The following PKHD1 variants were observed in gnomAD, a reference collection of about 807,000 sequenced individuals.
PKHD1 encodes PKHD1 ciliary IPT domain containing fibrocystin/polyductin, also known as fibrocystin.
In PKHD1, 291 loss-of-function variants were observed where a neutral mutation model predicts 412.0. The ratio of observed to expected loss-of-function variants is 0.71; its 90% CI spans 0.64 to 0.78. The LOEUF (loss-of-function observed/expected upper bound fraction) is 0.78. Ranked by LOEUF, PKHD1 falls within the 30% of genes least tolerant of loss-of-function variation. PKHD1 has a pLI of 0.00. For missense variants in PKHD1, 4,825 were observed against 4,950.7 expected (o/e 0.97, Z 0.76); for synonymous variants, 1,777 against 1,821.5 (o/e 0.98, Z 0.62).
intron 52 of PKHD1, among the ~76,000 whole-genome samples, chr6:51,806,548 A>G (rs1420499752): frequency 6.6e-6 from 1 of 152,284 alleles, no homozygotes; most frequent in East Asian, 1.9e-4. Flanking sequence ...CAAGTGGACA[A>G]TTACACATAT....
At position 51,918,860 on chromosome 6, in the gene PKHD1, GGTGTGAGATGGTATATTGACCA is replaced by G. The variant is rs564719948; in HGVS notation, c.6122-6306_6122-6285del. ...CTTTTTAATGATCACCATTCTCACT[GGTGTGAGATGGTATATTGACCA>G]GTAATGATGAGCTTTTATTCATATG... On this transcript the variant is annotated intron_variant, in intron 37 of 66. Coordinates refer to ENST00000371117, the MANE Select transcript of PKHD1 (RefSeq NM_138694.4). Among the ~76,000 whole-genome samples, 10 of 152,260 alleles carry G rather than the reference GGTGTGAGATGGTATATTGACCA, an allele frequency of 6.6e-5. No individual in the cohort carries two copies. In the South Asian group the frequency reaches 2.1e-3, roughly 32 times the overall value.
intron 50 of PKHD1, among the ~76,000 whole-genome samples, chr6:51,842,491 G>A (rs1332930792): frequency 1.3e-5 from 2 of 152,148 alleles, no homozygotes; most frequent in Admixed American, 6.5e-5. Flanking sequence ...AAGGCTGTGT[G>A]CGAGCAGCTG....
chr6:51,738,400 T>C (rs542349009), intron 60 of PKHD1, among the ~76,000 whole-genome samples: 1 of 152,282 alleles, frequency 6.6e-6, no homozygotes, highest in African/African-American at 2.4e-5. Context: ...TATGTAAGGA[T>C]ATGTAAGGCG....
At chr6:52,043,192 C>T in intron 26 of PKHD1, 58 bp from the exon 27 acceptor site, 1 of 1,339,596 alleles carries the variant, frequency 7.5e-7, no homozygotes, top group Non-Finnish European at 1.0e-6. Context: ...GATATTACTT[C>T]ATTTGAGAGA....
At chr6:51,710,804 T>C (rs1360908787) in intron 60 of PKHD1, among the ~76,000 whole-genome samples, 1 of 152,190 alleles carries the variant, frequency 6.6e-6, no homozygotes, top group Non-Finnish European at 1.5e-5. Flanking sequence ...TCTATAAAAA[T>C]GAGAAGACTG....
intron 35 of PKHD1, among the ~76,000 whole-genome samples, chr6:52,009,600 G>A (rs572607217): frequency 5.3e-5 from 8 of 152,258 alleles, no homozygotes; most frequent in African/African-American, 1.9e-4. Context: ...TTTGTGCCGT[G>A]AGAAGCCTGG....
chr6:51,868,011 C>T lies in PKHD1; in HGVS notation c.7585G>A (p.Gly2529Arg). The T allele has an allele frequency of 6.2e-7, 1 of 1,612,756 alleles. No individual in the cohort carries two copies. Among genetic ancestry groups the T allele is most frequent in the Non-Finnish European group, 8.5e-7 (1 of 1,178,840 alleles). Residue 2529 changes from glycine to arginine, a missense_variant, in exon 48 of 67, where the codon GGG (glycine) becomes AGG (arginine). Gly to Arg is a moderately radical substitution (Grantham distance 125). Coordinates refer to ENST00000371117, the MANE Select transcript of PKHD1 (RefSeq NM_138694.4). Reference protein sequence around the residue: ...PHAAILEDLDGSLSGKNRSHI... With the variant: ...PHAAILEDLDRSLSGKNRSHI... ...CTTCTGTTTTTCCCAGACAGAGACC[C>T]ATCCAAGTCTTCCAAAATTGCTGCA...
intron 33 of PKHD1, among the ~76,000 whole-genome samples, chr6:52,020,156 C>T (rs1372762084): frequency 6.6e-6 from 1 of 151,906 alleles, no homozygotes; most frequent in Non-Finnish European, 1.5e-5. Flanking sequence ...CAGAAATAAA[C>T]AAAAGAACAA....
chr6:52,018,518 T>TTAG (rs1414472752), intron 33 of PKHD1, among the ~76,000 whole-genome samples: 1 of 152,180 alleles, frequency 6.6e-6, no homozygotes, highest in Non-Finnish European at 1.5e-5. Context: ...TGACCAATTA[T>TTAG]TATTATTATT....
rs780347387 is a variant in PKHD1 at position 51,934,231 on chromosome 6, G to A, written c.6000C>T (p.Ser2000=). Residue 2000 remains serine (S), a synonymous_variant, in exon 37 of 67, where the codon TCC becomes TCT. Transcript: ENST00000371117. The stretch of plus-strand genomic sequence containing the variant: ...CTCTGCCTTGGAAGGGCTTGTCTTC[G>A]GATCCAATCCGGAGCTCTCCACCAT... ...VSDGGELRIG[S]EDKPFQGRAQ... is the part of the protein sequence containing the mutation. 7.4e-6 allele frequency: 12 copies of A among 1,613,748 alleles called. No individual in the cohort carries two copies. Among genetic ancestry groups the A allele is most frequent in the Non-Finnish European group, 9.3e-6 (11 of 1,179,774 alleles).
chr6:51,830,740 A>G, intron 52 of PKHD1, 121 bp downstream of exon 52: 1 of 949,248 alleles, frequency 1.1e-6, no homozygotes. Flanking sequence ...GAAGAATGAA[A>G]CAACATAAGT....
At chr6:51,997,626 C>A (rs1288478088) in intron 35 of PKHD1, among the ~76,000 whole-genome samples, 2 of 152,174 alleles carry the variant, frequency 1.3e-5, no homozygotes, top group Non-Finnish European at 2.9e-5. Flanking sequence ...GGCAGAAATG[C>A]CAAGAATAGT....
chr6:51,838,308 A>G (rs1448411741), intron 50 of PKHD1, among the ~76,000 whole-genome samples: 1 of 152,128 alleles, frequency 6.6e-6, no homozygotes, highest in Non-Finnish European at 1.5e-5. Flanking sequence ...TAGATACTTC[A>G]TTTTCATGGG....
intron 48 of PKHD1, among the ~76,000 whole-genome samples, chr6:51,861,195 T>C (rs1164462513): frequency 6.6e-6 from 1 of 152,206 alleles, no homozygotes; most frequent in Non-Finnish European, 1.5e-5. Flanking sequence ...AAAGTACCAA[T>C]TTACCATACT....
At chr6:51,626,935 G>A in intron 66 of PKHD1, 62 bp downstream of exon 66, 2 of 1,576,380 alleles carry the variant, frequency 1.3e-6, no homozygotes, top group South Asian at 1.1e-5. Flanking sequence ...GAAGGAGAGG[G>A]AGGCTCAGAC....
chr6:52,015,236 T>C (rs1359441367), intron 34 of PKHD1, among the ~76,000 whole-genome samples: 1 of 152,256 alleles, frequency 6.6e-6, no homozygotes, highest in Non-Finnish European at 1.5e-5. Flanking sequence ...TCTTTATTAC[T>C]AAAACTTGTT....
At chr6:51,775,536 C>T (rs1790879021) in intron 54 of PKHD1, among the ~76,000 whole-genome samples, 1 of 151,930 alleles carries the variant, frequency 6.6e-6, no homozygotes, top group Non-Finnish European at 1.5e-5. Flanking sequence ...ACTTTAGTGT[C>T]TGACTAATCT....
At chr6:51,881,442 G>T (rs551995660) in intron 46 of PKHD1, among the ~76,000 whole-genome samples, 1 of 152,120 alleles carries the variant, frequency 6.6e-6, no homozygotes, top group African/African-American at 2.4e-5. Context: ...CTCTGGATTT[G>T]TTGGAGATTT....
intron 60 of PKHD1, among the ~76,000 whole-genome samples, chr6:51,717,037 T>A (rs1781354273): frequency 6.6e-6 from 1 of 152,214 alleles, no homozygotes. Context: ...ACAAGCCAAA[T>A]ACTTATGTGT....
Sources: gnomAD v4.1 joint callset for allele counts (sites outside exome capture counted in the v4.1 genomes callset) on GRCh38, gnomAD v4.1.1 for gene constraint, MANE v1.5 for transcripts, NCBI Gene and HGNC (gene_info 2026-07-23, HGNC 2026-07-21) for gene names.